PWWP3A: variants seen among roughly 807,000 people sequenced by gnomAD.
The protein encoded by PWWP3A is PWWP domain-containing DNA repair factor 3A.
A neutral mutation model predicts 79.0 loss-of-function variants in PWWP3A; 53 were observed. The ratio of observed to expected loss-of-function variants is 0.67; its 90% confidence interval spans 0.54 to 0.84. The LOEUF (loss-of-function observed/expected upper bound fraction) is 0.84, where lower values mean the gene tolerates loss of function less well. Among genes scored for constraint, PWWP3A ranks in the 40% least tolerant of loss-of-function variants. PWWP3A has a pLI of 0.00. For synonymous variants in PWWP3A, 443 were observed against 394.4 expected (o/e 1.12, Z -1.46); for missense variants, 973 against 948.0 (o/e 1.03, Z -0.35).
At chr19:1,375,073 A>AT (rs1241698519) in intron 13 of PWWP3A, among the ~76,000 whole-genome samples, 4 of 150,000 alleles carry the variant, frequency 2.7e-5, no homozygotes, top group Non-Finnish European at 5.9e-5. Context: ...AAAAAAAAAA[A>AT]CCAAGCATGG....
At chr19:1,375,567 ATATAT>A (rs771413231) in intron 13 of PWWP3A, among the ~76,000 whole-genome samples, 29 of 118,204 alleles carry the variant, frequency 2.5e-4, no homozygotes, top group Non-Finnish European at 3.4e-4. Context: ...TATATATAAA[ATATAT>A]TATATATAAA....
At position 1,369,590 on chromosome 19, in the gene PWWP3A, C is replaced by A. The variant is rs748266639; in HGVS notation, c.1499-6C>A. ...CACAGTGCTCTCTCCCCTCCACCCC[C>A]TGCAGGCTGCGGGTCTTTTGCTGGC... On this transcript the variant is annotated splice_polypyrimidine_tract_variant and splice_region_variant and intron_variant, in intron 10 of 13. Coordinates refer to ENST00000591337, the MANE Select transcript of PWWP3A (RefSeq NM_001369789.1). The surrounding 1 kb of genome is among the most constrained non-coding windows in gnomAD (Gnocchi z 4.0). 6 of 1,614,232 alleles carry A rather than the reference C, an allele frequency of 3.7e-6. No homozygotes were observed. Among genetic ancestry groups the A allele is most frequent in the Non-Finnish European group, 5.1e-6 (6 of 1,180,038 alleles).
chr19:1,367,297 T>G, intron 9 of PWWP3A, 77 bp downstream of exon 9: 2 of 1,248,382 alleles, frequency 1.6e-6, no homozygotes, highest in East Asian at 4.6e-5. Flanking sequence ...TGTGTAGCTC[T>G]TGAAATCCAT....
chr19:1,356,406 A>G lies in PWWP3A; in HGVS notation c.14A>G (p.Lys5Arg). Residue 5 changes from lysine (K) to arginine (R), a missense_variant, in exon 2 of 14, where the codon AAG becomes AGG. Coordinates refer to ENST00000591337, the MANE Select transcript of PWWP3A (RefSeq NM_001369789.1). ...TGAGTGTAAATGATGGCGGATGCCA[A>G]GTATGTCCTCTGCCGATGGGAAAAG... MADAKYVLCRWEKRL... is the reference protein window; with the variant it reads MADARYVLCRWEKRL... 6.2e-7 allele frequency: 1 copy of G among 1,614,228 alleles called. No homozygotes were observed. The highest frequency in any genetic ancestry group is 8.5e-7 in the Non-Finnish European group (1 of 1,180,014).
At chr19:1,364,821 C>T (rs959736654) in intron 7 of PWWP3A, among the ~76,000 whole-genome samples, 1 of 152,006 alleles carries the variant, frequency 6.6e-6, no homozygotes. Context: ...AAGACCTACT[C>T]GAAAAAAATA....
intron 13 of PWWP3A, among the ~76,000 whole-genome samples, chr19:1,375,480 A>G (rs1363112695): frequency 2.3e-5 from 3 of 131,316 alleles, no homozygotes; most frequent in Non-Finnish European, 3.2e-5. Context: ...AAATTTATAT[A>G]TTATATAAAA....
chr19:1,376,410 T>G (rs2082402921), intron 13 of PWWP3A, 109 bp from the exon 14 acceptor site: 7 of 982,058 alleles, frequency 7.1e-6, no homozygotes, highest in Non-Finnish European at 1.1e-5. Context: ...TGCCTCGGCC[T>G]CCCAAAGTGC....
Position 1,378,200 on chromosome 19 carries a change from T to G in PWWP3A, c.*1624T>G, listed in dbSNP as rs1279741292. Reference sequence around the variant, plus strand: ...ACTCGGGGCGGCCAGTACCACCGCCTGAGGCGGGGCTCAGCAGCGTTGCAT... The same window carrying G: ...ACTCGGGGCGGCCAGTACCACCGCCGGAGGCGGGGCTCAGCAGCGTTGCAT... On this transcript the variant is annotated 3_prime_UTR_variant, in exon 14 of 14. Coordinates refer to ENST00000591337, the MANE Select transcript of PWWP3A (RefSeq NM_001369789.1). 1 of 152,240 alleles carries G rather than the reference T, an allele frequency of 6.6e-6. No individual in the cohort carries two copies. The highest frequency in any genetic ancestry group is 2.4e-5 in the African/African-American group (1 of 41,464). 9.4% of individuals were successfully genotyped at this position (152,240 alleles called of 1,614,324 possible).
Position 1,360,438 on chromosome 19 carries a change from A to G in PWWP3A, c.517A>G (p.Lys173Glu), listed in dbSNP as rs1288162953. 1 of 1,614,070 alleles carries G rather than the reference A, an allele frequency of 6.2e-7. No individual in the cohort carries two copies. The highest frequency in any genetic ancestry group is 8.5e-7 in the Non-Finnish European group (1 of 1,180,048). Residue 173 changes from lysine to glutamate, a missense_variant, in exon 5 of 14, where the codon AAA (lysine) becomes GAA (glutamate). Lys to Glu is a moderately conservative substitution (Grantham distance 56). Transcript: ENST00000591337. The surrounding 1 kb of genome is among the most constrained non-coding windows in gnomAD (Gnocchi z 4.4). ...CACTTGTGAAAAGGACCCCGAGTGC[A>G]AAGTGGACCACAAGAAGGGGCTCAG... Reference protein sequence around the residue: ...SFTCEKDPECKVDHKKGLRKS... With the variant: ...SFTCEKDPECEVDHKKGLRKS...
At position 1,367,051 on chromosome 19, in the gene PWWP3A, T is replaced by C. The variant is rs547592101; in HGVS notation, c.1362-109T>C. On this transcript the variant is annotated intron_variant, in intron 8 of 13. Transcript: ENST00000591337. ...TCACCTTCCATAAATAAGCTGGGGC[T>C]GGTGGGGCCTCCAGCGGCCTCCACT... 67 of 780,240 alleles carry C rather than the reference T, an allele frequency of 8.6e-5. No homozygotes were observed. In the African/African-American group the frequency reaches 1.1e-3, roughly 13 times the overall value. The allele number at this position is 780,240 out of a possible 1,614,324, so 48.3% of individuals were successfully genotyped here.
At chr19:1,367,964 G>A (rs977747375) in intron 9 of PWWP3A, among the ~76,000 whole-genome samples, 3 of 152,120 alleles carry the variant, frequency 2.0e-5, no homozygotes, top group Non-Finnish European at 2.9e-5. Context: ...TCACTCTGTT[G>A]CCCAGGCTGG....
chr19:1,375,529 T>TTATTGTATATAAAA, intron 13 of PWWP3A, among the ~76,000 whole-genome samples: 1 of 113,496 alleles, frequency 8.8e-6, no homozygotes, highest in South Asian at 2.5e-4. Flanking sequence ...ATCATATAAT[T>TTATTGTATATAAAA]TATATATTTT....
At position 1,361,044 on chromosome 19, in the gene PWWP3A, T is replaced by G; in HGVS notation, c.1111+12T>G. 7.0e-7 allele frequency: 1 copy of G among 1,423,312 alleles called. No individual in the cohort carries two copies. Among genetic ancestry groups the G allele is most frequent in the Non-Finnish European group, 9.2e-7 (1 of 1,086,452 alleles). The allele number at this position is 1,423,312 out of a possible 1,614,324, so 88.2% of individuals were successfully genotyped here. ...GAAGCTGGAGAAAGGTAAAAGTTTC[T>G]CGTGGAGGAGGAGAGCGCAGAGGGT... On this transcript the variant is annotated intron_variant, in intron 5 of 13. Coordinates refer to ENST00000591337, the MANE Select transcript of PWWP3A (RefSeq NM_001369789.1).
intron 12 of PWWP3A, 146 bp downstream of exon 12, chr19:1,371,224 A>G: frequency 1.1e-6 from 1 of 899,086 alleles, no homozygotes; most frequent in Non-Finnish European, 1.8e-6. Context: ...CTGTGTTTAC[A>G]TCCTGTCAGT....
At chr19:1,373,033 G>A in intron 12 of PWWP3A, 39 bp from the exon 13 acceptor site, 2 of 1,595,756 alleles carry the variant, frequency 1.3e-6, no homozygotes, top group Non-Finnish European at 1.7e-6. Context: ...GGCCAGTTGG[G>A]CAGTGCCTGC....
rs2082193957 is a variant in PWWP3A, at chr19:1,369,066, C to G, written c.1423-199C>G. Reference sequence around the variant, plus strand: ...GAGCAGCTCAGGGCCCAGACCTGTGCCTGGTGCGTTTCCCATTTACCAGAG... The same window carrying G: ...GAGCAGCTCAGGGCCCAGACCTGTGGCTGGTGCGTTTCCCATTTACCAGAG... On this transcript the variant is annotated intron_variant, in intron 9 of 13. Coordinates refer to ENST00000591337, the MANE Select transcript of PWWP3A (RefSeq NM_001369789.1). The surrounding 1 kb of genome is among the most constrained non-coding windows in gnomAD (Gnocchi z 4.0). 1 of 572,568 alleles carries G rather than the reference C, an allele frequency of 1.7e-6. No homozygotes were observed. Among genetic ancestry groups the G allele is most frequent in the Admixed American group, 2.8e-5 (1 of 35,260 alleles). The allele number at this position is 572,568 out of a possible 1,614,324, so 35.5% of individuals were successfully genotyped here.
At position 1,360,776 on chromosome 19, in the gene PWWP3A, C is replaced by A. The variant is rs1399635225; in HGVS notation, c.855C>A (p.Ala285=). Residue 285 remains alanine, a synonymous_variant, in exon 5 of 14, where the codon GCC becomes GCA. Transcript: ENST00000591337. This position sits in a 1 kb window ranked among gnomAD's most constrained non-coding sequence, Gnocchi z 4.4. ...LPLGSLTAPP[A]PEPSACSEPG... ...TGGGCAGCCTCACTGCGCCCCCAGC[C>A]CCTGAGCCCTCGGCCTGCTCAGAGC... 1 of 1,609,486 alleles carries A rather than the reference C, an allele frequency of 6.2e-7. No homozygotes were observed. The highest frequency in any genetic ancestry group is 1.3e-5 in the African/African-American group (1 of 74,844).
Position 1,360,782 on chromosome 19 carries a change from G to A in PWWP3A, c.861G>A (p.Glu287=). 1.9e-6 allele frequency: 3 copies of A among 1,607,482 alleles called. No homozygotes were observed. The highest frequency in any genetic ancestry group is 2.5e-6 in the Non-Finnish European group (3 of 1,177,160). The change falls in exon 5 of 14, where the codon GAG becomes GAA. Residue 287 remains glutamate, a synonymous_variant. Coordinates refer to ENST00000591337, the MANE Select transcript of PWWP3A (RefSeq NM_001369789.1). The surrounding 1 kb of genome is among the most constrained non-coding windows in gnomAD (Gnocchi z 4.4). ...GCCTCACTGCGCCCCCAGCCCCTGA[G>A]CCCTCGGCCTGCTCAGAGCCTGGAG... The part of the protein sequence containing the change: ...LGSLTAPPAP[E]PSACSEPGEC...
In PWWP3A at chr19:1,357,463, C is replaced by T. The variant is rs190147677; in HGVS notation, c.143+369C>T. The T allele has an allele frequency of 6.5e-4, 91 of 140,988 alleles. 1 individual carries two copies. The highest frequency in any genetic ancestry group is 0.01 in the Middle Eastern group (2 of 196). The allele number at this position is 140,988 out of a possible 1,614,324, so 8.7% of individuals were successfully genotyped here. On this transcript the variant is annotated intron_variant, in intron 3 of 13. Coordinates refer to ENST00000591337, the MANE Select transcript of PWWP3A (RefSeq NM_001369789.1). ...CATGCCAGGAAAATAGGGATGTTTC[C>T]TTCCCAGAGATCTGTGTGTCTTTTT...
Sources: allele counts gnomAD v4.1 joint callset (sites outside exome capture counted in the v4.1 genomes callset), GRCh38; gene constraint gnomAD v4.1.1; non-coding constraint Gnocchi (gnomAD v3.1); transcripts MANE v1.5; gene names NCBI Gene and HGNC (gene_info 2026-07-23, HGNC 2026-07-21).